Variants in CADPS observed in about 807,000 individuals in gnomAD.
CADPS encodes calcium dependent secretion activator.
A neutral mutation model predicts 167.3 loss-of-function variants in CADPS; 57 were observed. The observed-to-expected ratio is 0.34, with a 90% CI of 0.28 to 0.42. The LOEUF (loss-of-function observed/expected upper bound fraction) is 0.42, where lower values mean the gene tolerates loss of function less well. Among genes scored for constraint, CADPS ranks in the 20% least tolerant of loss-of-function variants. CADPS has a pLI of 1.00. For missense variants in CADPS, 1,414 were observed against 1,738.1 expected (o/e 0.81, Z 3.32); for synonymous variants, 676 against 635.3 (o/e 1.06, Z -0.96).
At chr3:62,737,957 CT>C (rs907595934) in intron 3 of CADPS, among the ~76,000 whole-genome samples, 49 of 151,664 alleles carry the variant, frequency 3.2e-4, no homozygotes, top group African/African-American at 1.1e-3. Flanking sequence ...ACATAATATA[CT>C]TTTTTTTTCT....
chr3:62,820,869 T>C (rs2094881991), intron 1 of CADPS, among the ~76,000 whole-genome samples: 1 of 151,402 alleles, frequency 6.6e-6, no homozygotes, highest in Non-Finnish European at 1.5e-5. Context: ...GGTGCGATCT[T>C]GGCTCACTGT....
At chr3:62,525,321 T>C (rs1033187604) in intron 13 of CADPS, among the ~76,000 whole-genome samples, 1 of 152,232 alleles carries the variant, frequency 6.6e-6, no homozygotes, top group South Asian at 2.1e-4. Flanking sequence ...GATGCCTACT[T>C]ATACGTAAAA....
At chr3:62,442,186 ATAGT>A (rs892292179) in intron 27 of CADPS, among the ~76,000 whole-genome samples, 1 of 151,224 alleles carries the variant, frequency 6.6e-6, no homozygotes, top group Admixed American at 6.6e-5. Flanking sequence ...TTAATAGGTA[ATAGT>A]TAGTGGTATG....
At chr3:62,459,769 AC>A (rs1398416665) in intron 26 of CADPS, among the ~76,000 whole-genome samples, 2 of 152,088 alleles carry the variant, frequency 1.3e-5, no homozygotes, top group East Asian at 1.9e-4. Context: ...TCCATTGCTA[AC>A]CCCCCCAGTG....
Position 62,570,943 on chromosome 3 carries a change from G to C in CADPS, c.1578-5C>G. On this transcript the variant is annotated splice_region_variant and splice_polypyrimidine_tract_variant and intron_variant, in intron 8 of 29. Transcript: ENST00000383710. ...TTACCGATGGCCCATAAATACCTAA[G>C]GGAAAGGAGAAAGACCAGAGCTGCA... 6.4e-7 allele frequency: 1 copy of C among 1,563,588 alleles called. No individual in the cohort carries two copies. Among genetic ancestry groups the C allele is most frequent in the South Asian group, 1.1e-5 (1 of 90,106 alleles).
chr3:62,450,831 C>A (rs533281737), intron 26 of CADPS, among the ~76,000 whole-genome samples: 10 of 152,110 alleles, frequency 6.6e-5, no homozygotes, highest in South Asian at 2.1e-4. Flanking sequence ...CCTCAACAAC[C>A]TTTTGAGGGG....
At position 62,399,384 on chromosome 3, in the gene CADPS, G is replaced by T. The variant is rs1705051572; in HGVS notation, c.*22C>A. 1 of 1,612,330 alleles carries T rather than the reference G, an allele frequency of 6.2e-7. No homozygotes were observed. The highest frequency in any genetic ancestry group is 1.7e-5 in the Admixed American group (1 of 59,998). On this transcript the variant is annotated 3_prime_UTR_variant, in exon 30 of 30. Transcript: ENST00000383710. This position sits in a 1 kb window ranked among gnomAD's most constrained non-coding sequence, Gnocchi z 5.6. ...GCACTGATTACAGGACTCTGTCCCA[G>T]CAGACTCTAGGACCAAATGGTCTAA...
chr3:62,418,003 A>AAAAAG (rs146829961), intron 28 of CADPS, among the ~76,000 whole-genome samples: 7 of 152,242 alleles, frequency 4.6e-5, no homozygotes, highest in Middle Eastern at 3.4e-3. Flanking sequence ...AGTATCTTAA[A>AAAAAG]AAAAGAAAAG....
chr3:62,733,503 A>G (rs1385325319), intron 3 of CADPS, among the ~76,000 whole-genome samples: 1 of 152,170 alleles, frequency 6.6e-6, no homozygotes, highest in Non-Finnish European at 1.5e-5. Flanking sequence ...GCTCTTGTAC[A>G]TTTTTCTCCT....
chr3:62,663,160 C>G (rs972338673), intron 3 of CADPS, among the ~76,000 whole-genome samples: 6 of 152,136 alleles, frequency 3.9e-5, no homozygotes, highest in African/African-American at 1.4e-4. Context: ...ATATTCAAAA[C>G]TTTAGGCTTT....
chr3:62,779,245 A>G (rs902905834), intron 1 of CADPS: 1 of 325,054 alleles, frequency 3.1e-6, no homozygotes, highest in Non-Finnish European at 6.3e-6. Context: ...CTGAGCTTCC[A>G]AAGGAGGTAC....
chr3:62,594,200 C>T (rs1433439632), intron 6 of CADPS, among the ~76,000 whole-genome samples: 1 of 140,382 alleles, frequency 7.1e-6, no homozygotes, highest in Non-Finnish European at 1.5e-5. Context: ...CTCGCTCTGT[C>T]GCCCAGGCTG....
chr3:62,470,531 A>G (rs1184873138), intron 24 of CADPS: 2 of 152,244 alleles, frequency 1.3e-5, no homozygotes, highest in African/African-American at 4.8e-5. Flanking sequence ...ATGACTTTCC[A>G]TTGAAGTTCT....
At chr3:62,739,116 T>A (rs769833830) in intron 3 of CADPS, among the ~76,000 whole-genome samples, 9 of 152,222 alleles carry the variant, frequency 5.9e-5, no homozygotes, top group African/African-American at 1.9e-4. Flanking sequence ...CCTTTGCCAA[T>A]AGAATACAGT....
At chr3:62,859,646 G>C (rs2080393125) in intron 1 of CADPS, among the ~76,000 whole-genome samples, 1 of 152,026 alleles carries the variant, frequency 6.6e-6, no homozygotes. Flanking sequence ...AAAGAAGACA[G>C]TAGAAAGAAA....
At chr3:62,608,654 G>T (rs2061042966) in intron 6 of CADPS, among the ~76,000 whole-genome samples, 1 of 152,040 alleles carries the variant, frequency 6.6e-6, no homozygotes, top group African/African-American at 2.4e-5. Context: ...TATGATTTTT[G>T]ATTTTATAGT....
At chr3:62,479,172 C>T (rs1167755268) in intron 22 of CADPS, among the ~76,000 whole-genome samples, 1 of 152,152 alleles carries the variant, frequency 6.6e-6, no homozygotes, top group Admixed American at 6.5e-5. Context: ...ACCATCTTAC[C>T]CAGTCCTGTG....
At chr3:62,636,305 T>C (rs957970629) in intron 6 of CADPS, among the ~76,000 whole-genome samples, 1 of 152,202 alleles carries the variant, frequency 6.6e-6, no homozygotes, top group Non-Finnish European at 1.5e-5. Context: ...CCAAAGCTTT[T>C]GCTCTTATGC....
intron 25 of CADPS, among the ~76,000 whole-genome samples, 195 bp downstream of exon 25, chr3:62,466,144 C>T (rs2059908042): frequency 6.6e-6 from 1 of 152,142 alleles, no homozygotes; most frequent in African/African-American, 2.4e-5. Context: ...ACATATGCCA[C>T]TTCATCAATT....
Sources: gnomAD v4.1 joint callset for allele counts (sites outside exome capture counted in the v4.1 genomes callset) on GRCh38, gnomAD v4.1.1 for gene constraint, Gnocchi (gnomAD v3.1) non-coding constraint, MANE v1.5 for transcripts, NCBI Gene and HGNC (gene_info 2026-07-23, HGNC 2026-07-21) for gene names.